Variants in DTNBP1 observed in about 807,000 individuals in gnomAD.
DTNBP1 encodes the protein dysbindin.
A neutral mutation model predicts 42.8 loss-of-function variants in DTNBP1; 35 were observed. That is an observed-to-expected ratio of 0.82 (90% CI 0.63 to 1.09). The LOEUF is 1.09. Ranked by LOEUF, DTNBP1 falls within the 50% of genes least tolerant of loss-of-function variation. The pLI, the probability that DTNBP1 is intolerant of heterozygous loss-of-function variation, is 0.00. For synonymous variants in DTNBP1, 171 were observed against 162.2 expected, an observed-to-expected ratio of 1.05 and a Z score of -0.41; for missense variants, 457 against 424.2, an observed-to-expected ratio of 1.08 and a Z score of -0.68.
At chr6:15,602,059 C>A (rs1382948988) in intron 6 of DTNBP1, among the ~76,000 whole-genome samples, 2 of 151,960 alleles carry the variant, frequency 1.3e-5, no homozygotes, top group Admixed American at 6.6e-5. Flanking sequence ...ACCTCTTGAG[C>A]AATATACCAA....
intron 1 of DTNBP1, among the ~76,000 whole-genome samples, chr6:15,657,553 T>C (rs1420809250): frequency 6.6e-6 from 1 of 152,176 alleles, no homozygotes; most frequent in Non-Finnish European, 1.5e-5. Flanking sequence ...ACACAGCCTC[T>C]CAAGTTATTC....
intron 7 of DTNBP1, among the ~76,000 whole-genome samples, chr6:15,559,568 T>C (rs923482300): frequency 1.3e-5 from 2 of 152,166 alleles, no homozygotes; most frequent in African/African-American, 4.8e-5. Flanking sequence ...TCACGGTCAC[T>C]GTTTGGTGGT....
At chr6:15,580,915 A>G (rs1486595009) in intron 7 of DTNBP1, among the ~76,000 whole-genome samples, 1 of 152,212 alleles carries the variant, frequency 6.6e-6, no homozygotes, top group Non-Finnish European at 1.5e-5. Context: ...GTATTGGAAA[A>G]CTAGCATGGG....
chr6:15,636,455 C>G (rs1202891582), intron 4 of DTNBP1, among the ~76,000 whole-genome samples: 1 of 152,026 alleles, frequency 6.6e-6, no homozygotes, highest in Non-Finnish European at 1.5e-5. Flanking sequence ...CCAGCCAACT[C>G]TTTCATTTCT....
chr6:15,644,324 C>G (rs879870534), intron 3 of DTNBP1, among the ~76,000 whole-genome samples: 2 of 151,960 alleles, frequency 1.3e-5, no homozygotes, highest in Admixed American at 6.6e-5. Context: ...GAGAGATAGC[C>G]ATAAAATAAC....
intron 8 of DTNBP1, among the ~76,000 whole-genome samples, chr6:15,531,058 G>A (rs1193104820): frequency 5.9e-5 from 9 of 151,998 alleles, no homozygotes; most frequent in Admixed American, 5.9e-4. Context: ...CCAAGAGATA[G>A]CAGAGAGCTC....
chr6:15,534,579 G>A (rs1347435127), intron 7 of DTNBP1, among the ~76,000 whole-genome samples: 1 of 145,978 alleles, frequency 6.9e-6, no homozygotes, highest in Admixed American at 7.1e-5. Context: ...AGAATCACTT[G>A]AACCCAGGAG....
In DTNBP1 at chr6:15,651,380, C is replaced by T; in HGVS notation, c.111-17G>A. The T allele has an allele frequency of 6.2e-7, 1 of 1,606,438 alleles. No individual in the cohort carries two copies. The highest frequency in any genetic ancestry group is 8.5e-7 in the Non-Finnish European group (1 of 1,177,810). ...GGAACAGTCCTGCCCAAAAGAAACA[C>T]TTATTAAAACTGTTCTTGATTTAGC... On this transcript the variant is annotated splice_polypyrimidine_tract_variant and intron_variant, in intron 2 of 9. Transcript: ENST00000344537.
At chr6:15,549,467 A>G (rs1774083707) in intron 7 of DTNBP1, among the ~76,000 whole-genome samples, 1 of 146,940 alleles carries the variant, frequency 6.8e-6, no homozygotes, top group Non-Finnish European at 1.5e-5. Context: ...CCTGGGCAAC[A>G]GAGCAAGACT....
intron 2 of DTNBP1, 121 bp from the exon 3 acceptor site, chr6:15,651,484 AT>A: frequency 7.5e-7 from 1 of 1,330,844 alleles, no homozygotes; most frequent in East Asian, 2.4e-5. Context: ...ACTAATGACA[AT>A]TATTAAACTT....
chr6:15,580,199 C>A (rs924590947), intron 7 of DTNBP1, among the ~76,000 whole-genome samples: 4 of 152,050 alleles, frequency 2.6e-5, no homozygotes, highest in Non-Finnish European at 4.4e-5. Flanking sequence ...CAATAAAAAG[C>A]CGATAAATCA....
At chr6:15,597,205 T>C (rs1331886232) in intron 6 of DTNBP1, among the ~76,000 whole-genome samples, 1 of 152,162 alleles carries the variant, frequency 6.6e-6, no homozygotes, top group African/African-American at 2.4e-5. Flanking sequence ...TAGAAATCAA[T>C]GTCATAGATT....
At chr6:15,531,535 A>G (rs1772826905) in intron 8 of DTNBP1, among the ~76,000 whole-genome samples, 1 of 152,106 alleles carries the variant, frequency 6.6e-6, no homozygotes. Flanking sequence ...CACACAACTA[A>G]CTGACTGCAT....
chr6:15,595,855 A>C (rs1048087566), intron 6 of DTNBP1, among the ~76,000 whole-genome samples: 2 of 152,220 alleles, frequency 1.3e-5, no homozygotes, highest in African/African-American at 4.8e-5. Context: ...AGCAGGCTGA[A>C]TGAAGAGAAA....
chr6:15,659,178 A>G (rs1261046075), intron 1 of DTNBP1, among the ~76,000 whole-genome samples: 1 of 152,238 alleles, frequency 6.6e-6, no homozygotes, highest in East Asian at 1.9e-4. Flanking sequence ...ACATTCTGAG[A>G]CTGATAAGGA....
intron 4 of DTNBP1, 82 bp from the exon 5 acceptor site, chr6:15,627,557 T>G: frequency 2.5e-6 from 4 of 1,580,068 alleles, no homozygotes; most frequent in Non-Finnish European, 3.4e-6. Context: ...AGATTTAATG[T>G]TATCTTTAAC....
intron 2 of DTNBP1, among the ~76,000 whole-genome samples, chr6:15,651,881 T>C (rs1424580071): frequency 6.6e-6 from 1 of 152,218 alleles, no homozygotes; most frequent in East Asian, 1.9e-4. Flanking sequence ...AGTAAAACAA[T>C]TATACTTCAC....
chr6:15,566,137 AC>A (rs1160914523), intron 7 of DTNBP1, among the ~76,000 whole-genome samples: 1 of 151,666 alleles, frequency 6.6e-6, no homozygotes, highest in Non-Finnish European at 1.5e-5. Flanking sequence ...AAACGGTGAA[AC>A]CCCGTCTCTA....
At chr6:15,609,148 T>C (rs959237438) in intron 6 of DTNBP1, among the ~76,000 whole-genome samples, 4 of 151,620 alleles carry the variant, frequency 2.6e-5, no homozygotes, top group Non-Finnish European at 4.4e-5. Flanking sequence ...TCAGGTGAAA[T>C]TTTCTACTTT....
Sources: allele counts gnomAD v4.1 joint callset (sites outside exome capture counted in the v4.1 genomes callset), GRCh38; gene constraint gnomAD v4.1.1; transcripts MANE v1.5; gene names NCBI Gene and HGNC (gene_info 2026-07-23, HGNC 2026-07-21).